The following VGLL4 variants were observed in gnomAD, a reference collection of about 807,000 sequenced individuals.
The protein encoded by VGLL4 is vestigial like family member 4, also known as transcription cofactor vestigial-like protein 4.
Under a neutral mutation model 21.0 loss-of-function variants are expected in VGLL4, and 7 were observed. The ratio of observed to expected loss-of-function variants is 0.33; its 90% CI spans 0.19 to 0.63. VGLL4 has a LOEUF of 0.63. Among genes scored for constraint, VGLL4 ranks in the 20% least tolerant of loss-of-function variants. VGLL4 has a pLI of 0.78. For missense variants in VGLL4, 394 were observed against 425.7 expected (o/e 0.93, Z 0.66); for synonymous variants, 222 against 173.2 (o/e 1.28, Z -2.21).
In VGLL4 at chr3:11,582,327, G is replaced by A. The variant is rs183288851; in HGVS notation, c.273-17308C>T. On this transcript the variant is annotated intron_variant, in intron 2 of 4. Coordinates refer to ENST00000430365, the MANE Select transcript of VGLL4 (RefSeq NM_001128219.3). ...CCAAAGAGCATGAAGACAGCCCAGC[G>A]TCCTCCCACAAGAAAGCCTTGGGCC... The A allele has an allele frequency of 1.5e-4, 240 of 1,595,064 alleles. 1 individual carries two copies. Among genetic ancestry groups the A allele is most frequent in the Non-Finnish European group, 1.7e-4 (204 of 1,170,596 alleles).
chr3:11,573,349 A>G (rs560905225), intron 2 of VGLL4, among the ~76,000 whole-genome samples: 138 of 100,558 alleles, frequency 1.4e-3, no homozygotes, highest in African/African-American at 3.3e-3. Flanking sequence ...GAAAGAAAGA[A>G]AGAAAGAAAG....
chr3:11,660,471 C>T (rs1488887987), intron 2 of VGLL4, among the ~76,000 whole-genome samples: 1 of 152,158 alleles, frequency 6.6e-6, no homozygotes, highest in Admixed American at 6.5e-5. Flanking sequence ...CAGCCCAGTG[C>T]TAGCTGTGCT....
At chr3:11,651,457 A>AAT (rs1292396468) in intron 2 of VGLL4, among the ~76,000 whole-genome samples, 2 of 152,292 alleles carry the variant, frequency 1.3e-5, no homozygotes, top group Non-Finnish European at 2.9e-5. Context: ...CATTGTTTAG[A>AAT]ATGCAAATTC....
chr3:11,606,529 TGAGGACTTA>T (rs1240462779), intron 1 of VGLL4, among the ~76,000 whole-genome samples: 1 of 152,104 alleles, frequency 6.6e-6, no homozygotes, highest in African/African-American at 2.4e-5. Flanking sequence ...GTAGGTTGGG[TGAGGACTTA>T]GAGAACTTTT....
rs1320592705 is a variant in VGLL4, at chr3:11,558,457, C to T, written c.*99G>A. 18 of 1,000,194 alleles carry T rather than the reference C, an allele frequency of 1.8e-5. No individual in the cohort carries two copies. Among genetic ancestry groups the T allele is most frequent in the Middle Eastern group, 2.6e-4 (1 of 3,850 alleles). The allele number at this position is 1,000,194 out of a possible 1,614,324, so 62.0% of individuals were successfully genotyped here. Reference sequence around the variant, plus strand: ...GCAAATAAACCATCCCTTCCCTTCCCCCCACCCCACCCCCATGATTTTTTT... The same window carrying T: ...GCAAATAAACCATCCCTTCCCTTCCTCCCACCCCACCCCCATGATTTTTTT... On this transcript the variant is annotated 3_prime_UTR_variant, in exon 5 of 5. Coordinates refer to ENST00000430365, the MANE Select transcript of VGLL4 (RefSeq NM_001128219.3).
intron 2 of VGLL4, among the ~76,000 whole-genome samples, chr3:11,687,942 T>C (rs934039988): frequency 1.3e-5 from 2 of 152,212 alleles, no homozygotes; most frequent in Non-Finnish European, 2.9e-5. Context: ...ATCAGATATA[T>C]TTTATCAATT....
chr3:11,643,915 T>G lies in VGLL4; in HGVS notation c.-397A>C. On this transcript the variant is annotated 5_prime_UTR_variant, in exon 1 of 5. Coordinates refer to ENST00000430365, the MANE Select transcript of VGLL4 (RefSeq NM_001128219.3). ...GCCGGCAGCGCTGACATGAGGGCTATGCTTGGCATGACTCCTATGCCGCCG... is the reference window on the plus strand; with the variant it reads ...GCCGGCAGCGCTGACATGAGGGCTAGGCTTGGCATGACTCCTATGCCGCCG... The G allele has an allele frequency of 9.9e-7, 1 of 1,011,584 alleles. No homozygotes were observed. The highest frequency in any genetic ancestry group is 1.2e-6 in the Non-Finnish European group (1 of 846,114). The allele number at this position is 1,011,584 out of a possible 1,614,324, so 62.7% of individuals were successfully genotyped here.
chr3:11,630,523 G>C (rs2075452637), intron 1 of VGLL4, among the ~76,000 whole-genome samples: 1 of 152,144 alleles, frequency 6.6e-6, no homozygotes. Context: ...GCGGGCGCCT[G>C]TAATCCCAGC....
intron 2 of VGLL4, among the ~76,000 whole-genome samples, chr3:11,588,984 G>A (rs1051072395): frequency 6.6e-6 from 1 of 152,214 alleles, no homozygotes; most frequent in Admixed American, 6.5e-5. Flanking sequence ...CAGAATGCCA[G>A]AGCCCTGGAG....
intron 2 of VGLL4, chr3:11,671,377 ACAAGTTCC>A (rs1219404382): frequency 9.9e-7 from 1 of 1,011,412 alleles, no homozygotes. Flanking sequence ...TGCATTTCTA[ACAAGTTCC>A]CAGGTGACGC....
rs1271126338 is a variant in VGLL4 at position 11,576,278 on chromosome 3, T to C, written c.273-11259A>G. On this transcript the variant is annotated intron_variant, in intron 2 of 4. Coordinates refer to ENST00000430365, the MANE Select transcript of VGLL4 (RefSeq NM_001128219.3). ...AAGCACTGTTTACAGGCAAAACAGA[T>C]GTGTCCCACATTAGAGTTTTCAAAT... Among the ~76,000 whole-genome samples the C allele has an allele frequency of 2.6e-5, 4 of 152,346 alleles. No individual in the cohort carries two copies. The East Asian group carries it at 7.7e-4, about 29-fold the overall frequency.
intron 2 of VGLL4, among the ~76,000 whole-genome samples, chr3:11,677,510 A>G (rs529612713): frequency 3.2e-4 from 49 of 152,252 alleles, no homozygotes; most frequent in Non-Finnish European, 5.1e-4. Flanking sequence ...CCTGGGCCCA[A>G]GTGATCCACC....
intron 2 of VGLL4, among the ~76,000 whole-genome samples, chr3:11,682,063 A>T: frequency 6.6e-6 from 1 of 152,200 alleles, no homozygotes; most frequent in Non-Finnish European, 1.5e-5. Flanking sequence ...GTTCGAGACC[A>T]GTCTGGCCAA....
intron 1 of VGLL4, among the ~76,000 whole-genome samples, chr3:11,628,395 CAA>C (rs796493136): frequency 3.7e-5 from 4 of 108,532 alleles, no homozygotes; most frequent in Admixed American, 9.2e-5. Flanking sequence ...TCTCAAAAAA[CAA>C]AAAAAAAAAA....
At chr3:11,575,519 G>C (rs540726045) in intron 2 of VGLL4, among the ~76,000 whole-genome samples, 142 of 152,246 alleles carry the variant, frequency 9.3e-4, no homozygotes, top group African/African-American at 3.1e-3. Context: ...CTTTCCTTGG[G>C]CACAATCGGT....
At position 11,643,775 on chromosome 3, in the gene VGLL4, G is replaced by T; in HGVS notation, c.-257C>A. ...GTATCCCCGATCGAGTATGAAAACA[G>T]CGTTTCAGAAGTCCTTACAAGTCCT... On this transcript the variant is annotated 5_prime_UTR_variant, in exon 1 of 5. The change creates a new upstream start codon in the 5' untranslated region. Coordinates refer to ENST00000430365, the MANE Select transcript of VGLL4 (RefSeq NM_001128219.3). The T allele has an allele frequency of 8.3e-7, 1 of 1,203,014 alleles. No homozygotes were observed. Among genetic ancestry groups the T allele is most frequent in the Non-Finnish European group, 1.0e-6 (1 of 966,704 alleles). 74.5% of individuals were successfully genotyped at this position (1,203,014 alleles called of 1,614,324 possible). A position where few individuals can be genotyped will look rare whatever the true frequency, so the allele number is the denominator to read the frequency against.
chr3:11,630,958 C>T (rs1232840451), intron 1 of VGLL4, among the ~76,000 whole-genome samples: 1 of 152,190 alleles, frequency 6.6e-6, no homozygotes, highest in Non-Finnish European at 1.5e-5. Context: ...TGAGCAAGTT[C>T]ATTCATTATA....
intron 1 of VGLL4, among the ~76,000 whole-genome samples, chr3:11,705,780 G>C (rs771902520): frequency 6.6e-6 from 1 of 152,222 alleles, no homozygotes; most frequent in Non-Finnish European, 1.5e-5. Flanking sequence ...AAATTAGCCA[G>C]GCGCGGTGGC....
chr3:11,592,098 A>G (rs780292047), intron 2 of VGLL4, among the ~76,000 whole-genome samples: 8 of 152,272 alleles, frequency 5.3e-5, no homozygotes, highest in Non-Finnish European at 1.2e-4. Flanking sequence ...GAGGCGTGGC[A>G]GAAAGAAAGA....
Sources: allele counts gnomAD v4.1 joint callset (sites outside exome capture counted in the v4.1 genomes callset), GRCh38; gene constraint gnomAD v4.1.1; transcripts MANE v1.5; gene names NCBI Gene and HGNC (gene_info 2026-07-23, HGNC 2026-07-21).